The following PPP3CA variants were observed in gnomAD, a reference collection of about 807,000 sequenced individuals.
The protein encoded by PPP3CA is protein phosphatase 3 catalytic subunit alpha.
Under a neutral mutation model 66.5 loss-of-function variants are expected in PPP3CA, and 14 were observed. The observed-to-expected ratio is 0.21, with a 90% confidence interval of 0.14 to 0.33. The LOEUF (loss-of-function observed/expected upper bound fraction) is 0.33, where lower values mean the gene tolerates loss of function less well. Among genes scored for constraint, PPP3CA ranks in the 10% least tolerant of loss-of-function variants. The pLI is 1.00. For missense variants in PPP3CA, 317 were observed against 639.5 expected, an observed-to-expected ratio of 0.50 and a Z score of 5.44; for synonymous variants, 232 against 226.2, an observed-to-expected ratio of 1.03 and a Z score of -0.23.
At chr4:101,313,668 A>C (rs1477026105) in intron 1 of PPP3CA, among the ~76,000 whole-genome samples, 1 of 152,182 alleles carries the variant, frequency 6.6e-6, no homozygotes, top group East Asian at 1.9e-4. Context: ...TCAGAGTCTA[A>C]GGCAATTCAG....
At chr4:101,128,729 T>A (rs980599874) in intron 2 of PPP3CA, among the ~76,000 whole-genome samples, 4 of 152,028 alleles carry the variant, frequency 2.6e-5, no homozygotes, top group African/African-American at 9.7e-5. Flanking sequence ...ATACTACGCT[T>A]TCCCCACGGC....
chr4:101,263,982 G>A (rs963346640), intron 1 of PPP3CA, among the ~76,000 whole-genome samples: 2 of 152,056 alleles, frequency 1.3e-5, no homozygotes, highest in East Asian at 1.9e-4. Context: ...CCTTAACTCC[G>A]TAATAATTAC....
At chr4:101,154,742 C>T (rs1472257673) in intron 2 of PPP3CA, among the ~76,000 whole-genome samples, 2 of 150,426 alleles carry the variant, frequency 1.3e-5, no homozygotes, top group Admixed American at 1.3e-4. Flanking sequence ...CACTGAATTA[C>T]ATTTGTTCTG....
At chr4:101,111,048 A>C (rs537155317) in intron 2 of PPP3CA, among the ~76,000 whole-genome samples, 1 of 152,310 alleles carries the variant, frequency 6.6e-6, no homozygotes, top group East Asian at 1.9e-4. Flanking sequence ...GATAAAGCTT[A>C]TTAGCTAACA....
At chr4:101,289,375 A>C (rs1345760562) in intron 1 of PPP3CA, among the ~76,000 whole-genome samples, 1 of 152,242 alleles carries the variant, frequency 6.6e-6, no homozygotes, top group Non-Finnish European at 1.5e-5. Flanking sequence ...ACAAATGCGT[A>C]ACCTATTTAT....
At chr4:101,261,464 A>G (rs1240240260) in intron 1 of PPP3CA, among the ~76,000 whole-genome samples, 1 of 152,108 alleles carries the variant, frequency 6.6e-6, no homozygotes, top group Non-Finnish European at 1.5e-5. Context: ...ATAATGTAAC[A>G]TTATTGCTGC....
intron 1 of PPP3CA, among the ~76,000 whole-genome samples, chr4:101,264,415 A>G (rs928705250): frequency 1.3e-5 from 2 of 152,146 alleles, no homozygotes; most frequent in African/African-American, 4.8e-5. Flanking sequence ...AAGGCATACG[A>G]AGGCAGGAAA....
intron 2 of PPP3CA, chr4:101,171,004 T>C: frequency 3.5e-6 from 1 of 285,858 alleles, no homozygotes; most frequent in South Asian, 3.1e-5. Flanking sequence ...AAAAAGGAAT[T>C]AACTAGCATC....
intron 11 of PPP3CA, among the ~76,000 whole-genome samples, chr4:101,037,844 C>T (rs1303831068): frequency 1.3e-5 from 2 of 152,184 alleles, no homozygotes; most frequent in African/African-American, 4.8e-5. Context: ...CTAGATTCCT[C>T]ACTCACCTTC....
intron 1 of PPP3CA, among the ~76,000 whole-genome samples, chr4:101,270,175 T>C (rs1167888853): frequency 6.6e-6 from 1 of 152,222 alleles, no homozygotes; most frequent in Non-Finnish European, 1.5e-5. Context: ...TTTTACTATA[T>C]AACATCTGTA....
chr4:101,328,249 T>C (rs965034531), intron 1 of PPP3CA, among the ~76,000 whole-genome samples: 9 of 152,204 alleles, frequency 5.9e-5, no homozygotes, highest in Non-Finnish European at 1.5e-5. Flanking sequence ...AATGCGTTTA[T>C]GAATCACAAG....
At chr4:101,093,667 T>C in intron 6 of PPP3CA, 109 bp downstream of exon 6, 1 of 1,162,254 alleles carries the variant, frequency 8.6e-7, no homozygotes, top group East Asian at 2.7e-5. Flanking sequence ...AGCCTTTCAT[T>C]TATATTAAAG....
intron 3 of PPP3CA, among the ~76,000 whole-genome samples, chr4:101,103,539 C>G (rs72681042): frequency 6.6e-6 from 1 of 152,180 alleles, no homozygotes; most frequent in Admixed American, 6.5e-5. Context: ...CACCTAACAT[C>G]TCTTGTTGTG....
intron 1 of PPP3CA, among the ~76,000 whole-genome samples, chr4:101,237,772 T>C (rs1013160163): frequency 6.6e-5 from 10 of 152,112 alleles, no homozygotes; most frequent in African/African-American, 2.4e-4. Flanking sequence ...TGTGGGGCAC[T>C]GGCCAGATCC....
At chr4:101,268,373 T>G (rs1373391361) in intron 1 of PPP3CA, among the ~76,000 whole-genome samples, 1 of 152,140 alleles carries the variant, frequency 6.6e-6, no homozygotes, top group East Asian at 1.9e-4. Context: ...GATTACATTC[T>G]TAAGCTGGTA....
In PPP3CA at chr4:101,333,270, G is replaced by GTTTTTTTTT. The variant is rs70961788; in HGVS notation, c.58+13460_58+13468dup. 7.8e-4 allele frequency among the ~76,000 whole-genome samples: 37 copies of GTTTTTTTTT among 47,266 alleles called. 6 individuals are homozygous for GTTTTTTTTT. Among genetic ancestry groups the GTTTTTTTTT allele is most frequent in the Non-Finnish European group, 1.2e-3 (25 of 20,152 alleles). 31.0% of individuals were successfully genotyped at this position (47,266 alleles called of 152,430 possible). On this transcript the variant is annotated intron_variant, in intron 1 of 13. Coordinates refer to ENST00000394854, the MANE Select transcript of PPP3CA (RefSeq NM_000944.5). ...CTACAGGCATGCACTACCATGCCCA[G>GTTTTTTTTT]TTTTTTTTTTTTTTTTTTTTTTTTT...
At chr4:101,054,422 G>T (rs1455704408) in intron 10 of PPP3CA, among the ~76,000 whole-genome samples, 1 of 151,838 alleles carries the variant, frequency 6.6e-6, no homozygotes, top group Non-Finnish European at 1.5e-5. Flanking sequence ...AATGATTTGG[G>T]GGTAATTCCT....
chr4:101,262,911 G>A (rs1727052593), intron 1 of PPP3CA, among the ~76,000 whole-genome samples: 1 of 152,102 alleles, frequency 6.6e-6, no homozygotes, highest in Non-Finnish European at 1.5e-5. Context: ...TCTGTCAGGG[G>A]AAGGGACAGA....
intron 5 of PPP3CA, among the ~76,000 whole-genome samples, chr4:101,094,804 G>A (rs150903407): frequency 2.6e-5 from 4 of 152,024 alleles, no homozygotes; most frequent in Non-Finnish European, 5.9e-5. Flanking sequence ...AGTTTATCCT[G>A]ATTTAACTGC....
Sources: gnomAD v4.1 joint callset for allele counts (sites outside exome capture counted in the v4.1 genomes callset) on GRCh38, gnomAD v4.1.1 for gene constraint, MANE v1.5 for transcripts, NCBI Gene and HGNC (gene_info 2026-07-23, HGNC 2026-07-21) for gene names.